NREP: variants seen among roughly 807,000 people sequenced by gnomAD.
NREP encodes the protein neuronal regeneration related protein, also known as neuronal regeneration-related protein.
NREP carries 5 observed loss-of-function variants against 8.6 expected under a neutral mutation model. That is an observed-to-expected ratio of 0.58 (90% confidence interval 0.30 to 1.22). The LOEUF is 1.22. Among genes scored for constraint, NREP ranks in the 50% most tolerant of loss-of-function variants. The pLI is 0.07. For missense variants in NREP, 86 were observed against 82.5 expected (o/e 1.04, Z -0.17); for synonymous variants, 27 against 28.0 (o/e 0.96, Z 0.11).
At chr5:111,864,370 T>C (rs1185120200) in intron 2 of NREP, among the ~76,000 whole-genome samples, 1 of 152,158 alleles carries the variant, frequency 6.6e-6, no homozygotes, top group African/African-American at 2.4e-5. Context: ...AGCTGAATAG[T>C]ATCTCATGGC....
intron 2 of NREP, among the ~76,000 whole-genome samples, chr5:111,737,185 C>G (rs937543999): frequency 6.6e-6 from 1 of 152,154 alleles, no homozygotes; most frequent in Non-Finnish European, 1.5e-5. Context: ...GACAAGCAGC[C>G]ACTTCTGACA....
At chr5:111,937,425 G>C (rs1048869787) in intron 2 of NREP, among the ~76,000 whole-genome samples, 1 of 152,064 alleles carries the variant, frequency 6.6e-6, no homozygotes, top group Non-Finnish European at 1.5e-5. Context: ...CAAGTATGAA[G>C]TAAAGATTAT....
At chr5:111,895,057 G>A (rs1754475930) in intron 2 of NREP, among the ~76,000 whole-genome samples, 1 of 152,228 alleles carries the variant, frequency 6.6e-6, no homozygotes, top group African/African-American at 2.4e-5. Context: ...GCTTTATGCT[G>A]CTAATACTAG....
intron 2 of NREP, among the ~76,000 whole-genome samples, chr5:111,782,083 G>A (rs991198093): frequency 3.9e-5 from 6 of 152,142 alleles, no homozygotes; most frequent in African/African-American, 1.4e-4. Flanking sequence ...TTCTAGAAAT[G>A]TCATTAATAA....
chr5:111,834,446 T>G (rs2112939889), intron 2 of NREP, among the ~76,000 whole-genome samples: 1 of 152,312 alleles, frequency 6.6e-6, no homozygotes, highest in South Asian at 2.1e-4. Context: ...AATAATATTT[T>G]AAGTGCCAGA....
At chr5:111,971,019 G>A (rs1490771927) in intron 2 of NREP, among the ~76,000 whole-genome samples, 1 of 152,030 alleles carries the variant, frequency 6.6e-6, no homozygotes, top group Non-Finnish European at 1.5e-5. Flanking sequence ...CCGATGTGAT[G>A]TTGACAGGGA....
intron 2 of NREP, among the ~76,000 whole-genome samples, chr5:111,904,667 C>T (rs951114817): frequency 6.6e-6 from 1 of 152,040 alleles, no homozygotes; most frequent in Non-Finnish European, 1.5e-5. Context: ...AAATGTGGCT[C>T]CATGGTATAA....
chr5:111,893,950 G>C (rs553944856), intron 2 of NREP, among the ~76,000 whole-genome samples: 1 of 152,172 alleles, frequency 6.6e-6, no homozygotes, highest in Admixed American at 6.5e-5. Flanking sequence ...GGGCGCAGTG[G>C]CTCACGCCTG....
chr5:111,941,199 T>C (rs1408454158), intron 2 of NREP, among the ~76,000 whole-genome samples: 2 of 152,066 alleles, frequency 1.3e-5, no homozygotes, highest in Admixed American at 6.6e-5. Flanking sequence ...ATGAAGATCA[T>C]ATGGGAAGTT....
intron 2 of NREP, among the ~76,000 whole-genome samples, chr5:111,857,355 G>A (rs1321176185): frequency 1.3e-5 from 2 of 152,194 alleles, no homozygotes; most frequent in African/African-American, 2.4e-5. Context: ...CAGGAGAGCA[G>A]AATCCAAAAG....
At chr5:111,804,999 TCAA>T (rs36062020) in intron 2 of NREP, among the ~76,000 whole-genome samples, 3 of 150,704 alleles carry the variant, frequency 2.0e-5, no homozygotes, top group African/African-American at 4.9e-5. Flanking sequence ...AGACTCCGTC[TCAA>T]CAACAACAAC....
intron 3 of NREP, chr5:111,735,139 G>C (rs1748984522): frequency 3.0e-6 from 1 of 331,330 alleles, no homozygotes; most frequent in East Asian, 5.5e-5. Context: ...ATTTGAGTTT[G>C]TCTAACCAGA....
intron 2 of NREP, among the ~76,000 whole-genome samples, chr5:111,814,458 G>A (rs561916921): frequency 7.8e-4 from 119 of 152,190 alleles, no homozygotes; most frequent in Admixed American, 1.3e-3. Context: ...GAAAAACAAC[G>A]ATTCCCCTCC....
chr5:111,865,814 T>G (rs1056890657), intron 2 of NREP, among the ~76,000 whole-genome samples: 3 of 152,140 alleles, frequency 2.0e-5, no homozygotes, highest in Non-Finnish European at 4.4e-5. Context: ...AAAAGTTCAC[T>G]TAGACAATTC....
chr5:111,873,187 T>C (rs1753828154), intron 2 of NREP, among the ~76,000 whole-genome samples: 1 of 152,192 alleles, frequency 6.6e-6, no homozygotes, highest in African/African-American at 2.4e-5. Flanking sequence ...AGGATGCTAT[T>C]ATTATTTTTC....
chr5:111,757,689 C>G (rs1353510161), upstream of NREP: 3 of 984,142 alleles, frequency 3.0e-6, no homozygotes, highest in South Asian at 4.7e-5. Context: ...CGCGGCGCCC[C>G]GGGGAGACAA....
intron 2 of NREP, among the ~76,000 whole-genome samples, chr5:111,764,210 C>T (rs1272985254): frequency 6.6e-6 from 1 of 152,172 alleles, no homozygotes; most frequent in Non-Finnish European, 1.5e-5. Context: ...CATTTAGGCA[C>T]CTTCTTCAGC....
At position 111,774,103 on chromosome 5, in the gene NREP, A is replaced by T. The variant is rs192971468; in HGVS notation, c.136-38596T>A. 5.2e-4 allele frequency among the ~76,000 whole-genome samples: 79 copies of T among 152,280 alleles called. 1 individual carries two copies. The highest frequency in any genetic ancestry group is 2.6e-3 in the Admixed American group (40 of 15,288). The stretch of plus-strand genomic sequence containing the variant: ...CCTCAGGACAAAGAACTCTAGAAAC[A>T]TCATTGAACTAATTAGCATTGATTT... On this transcript the variant is annotated intron_variant, in intron 2 of 3. Transcript: ENST00000395634.
chr5:111,754,745 A>C (rs1054349190), intron 2 of NREP, among the ~76,000 whole-genome samples: 1 of 152,258 alleles, frequency 6.6e-6, no homozygotes, highest in Non-Finnish European at 1.5e-5. Context: ...ATACATAAAA[A>C]ATAAAACACT....
Sources: allele counts gnomAD v4.1 joint callset (sites outside exome capture counted in the v4.1 genomes callset), GRCh38; gene constraint gnomAD v4.1.1; transcripts MANE v1.5; gene names NCBI Gene and HGNC (gene_info 2026-07-23, HGNC 2026-07-21).